Variants in RECK observed in about 807,000 individuals in gnomAD.
The protein encoded by RECK is reversion inducing cysteine rich protein with kazal motifs.
Under a neutral mutation model 115.1 loss-of-function variants are expected in RECK, and 69 were observed. The ratio of observed to expected loss-of-function variants is 0.60; its 90% CI spans 0.49 to 0.73. The LOEUF is 0.73. Ranked by LOEUF, RECK falls within the 30% of genes least tolerant of loss-of-function variation. The pLI is 0.00. For missense variants in RECK, 1,047 were observed against 1,203.7 expected (o/e 0.87, Z 1.93); for synonymous variants, 414 against 419.7 (o/e 0.99, Z 0.17).
chr9:36,117,782 T>C (rs111952135), intron 17 of RECK, among the ~76,000 whole-genome samples: 3,903 of 152,218 alleles, frequency 0.026, 175 homozygotes, highest in African/African-American at 0.088. Context: ...GAGTTCAAGA[T>C]CAGCTTGACC....
chr9:36,087,881 C>T lies in RECK; in HGVS notation c.825C>T (p.Val275=), dbSNP rs779928280. The change falls in exon 9 of 21, where the codon GTC becomes GTT. Residue 275 remains valine (V), a synonymous_variant. Transcript: ENST00000377966. ...GCTCACAATCTGTTCACCCTGGAGT[C>T]ACTGTACACCCTCCTCCCTCTACAG... ...LESSQSVHPG[V]TVHPPPSTGL... is the part of the protein sequence containing the mutation. 21 of 1,613,486 alleles carry T rather than the reference C, an allele frequency of 1.3e-5. No individual in the cohort carries two copies. The highest frequency in any genetic ancestry group is 1.8e-5 in the Non-Finnish European group (21 of 1,179,474).
At chr9:36,101,857 A>G (rs1280684305) in intron 11 of RECK, among the ~76,000 whole-genome samples, 1 of 152,248 alleles carries the variant, frequency 6.6e-6, no homozygotes, top group Admixed American at 6.5e-5. Context: ...CATTGCTGGT[A>G]GTAACAGTAC....
chr9:36,124,422 T>C lies in RECK; in HGVS notation c.*1377T>C, dbSNP rs1824566713. ...TTTAATGCAATATACTGGAAAGCTTTTCTATTTTAATAAAAATAATTTTTA... is the reference window on the plus strand; with the variant it reads ...TTTAATGCAATATACTGGAAAGCTTCTCTATTTTAATAAAAATAATTTTTA... On this transcript the variant is annotated 3_prime_UTR_variant, in exon 21 of 21. Transcript: ENST00000377966. 1 of 152,634 alleles carries C rather than the reference T, an allele frequency of 6.6e-6. No individual in the cohort carries two copies. Among genetic ancestry groups the C allele is most frequent in the African/African-American group, 2.4e-5 (1 of 41,454 alleles). 9.5% of individuals were successfully genotyped at this position (152,634 alleles called of 1,614,324 possible). A position where few individuals can be genotyped will look rare whatever the true frequency, so the allele number is the denominator to read the frequency against.
At chr9:36,114,543 C>T (rs1824184376) in intron 16 of RECK, among the ~76,000 whole-genome samples, 1 of 152,146 alleles carries the variant, frequency 6.6e-6, no homozygotes, top group Non-Finnish European at 1.5e-5. Flanking sequence ...AATGCTTATC[C>T]TTACATAAAA....
intron 8 of RECK, among the ~76,000 whole-genome samples, chr9:36,084,397 CA>C (rs1822859311): frequency 6.6e-6 from 1 of 151,422 alleles, no homozygotes. Context: ...TCTAAAAAAA[CA>C]AAACAAAACA....
At chr9:36,122,730 C>A in intron 20 of RECK, 94 bp from the exon 21 acceptor site, 1 of 940,162 alleles carries the variant, frequency 1.1e-6, no homozygotes, top group Non-Finnish European at 1.7e-6. Flanking sequence ...CCTCTGAGGC[C>A]ACGCTACTTT....
At chr9:36,052,382 C>A in intron 2 of RECK, 59 bp downstream of exon 2, 1 of 1,328,372 alleles carries the variant, frequency 7.5e-7, no homozygotes. Flanking sequence ...CCTGTAATCC[C>A]AGCACTTTGG....
chr9:36,081,842 A>AG (rs1026218390), intron 7 of RECK, among the ~76,000 whole-genome samples: 1 of 151,784 alleles, frequency 6.6e-6, no homozygotes, highest in Non-Finnish European at 1.5e-5. Flanking sequence ...CAAAAAAAAA[A>AG]AAAAAAATTT....
chr9:36,092,258 C>A (rs1588318620), intron 10 of RECK, among the ~76,000 whole-genome samples: 1 of 152,020 alleles, frequency 6.6e-6, no homozygotes, highest in Non-Finnish European at 1.5e-5. Flanking sequence ...TGTGGAGTAG[C>A]TTGTATGAGA....
At chr9:36,063,742 A>C (rs556121859) in intron 4 of RECK, 53 bp from the exon 5 acceptor site, 2 of 1,512,286 alleles carry the variant, frequency 1.3e-6, no homozygotes, top group South Asian at 1.1e-5. Context: ...CTGGCATGCT[A>C]TCTCTTTTTA....
Position 36,118,853 on chromosome 9 carries a change from T to C in RECK, c.2350T>C (p.Tyr784His), listed in dbSNP as rs574398675. 2.5e-6 allele frequency: 4 copies of C among 1,614,142 alleles called. No homozygotes were observed. The highest frequency in any genetic ancestry group is 1.1e-5 in the South Asian group (1 of 91,068). The stretch of plus-strand genomic sequence containing the variant: ...CTCGGATCGCGTGGCAGTCGATTAC[T>C]ATGGGGACTGCCAGGCCGTCGGAGT... ...AYSDRVAVDY[Y>H]GDCQAVGVLS... is the part of the protein sequence containing the mutation. Residue 784 changes from tyrosine to histidine, a missense_variant, in exon 18 of 21, where the codon TAT (tyrosine) becomes CAT (histidine). Transcript: ENST00000377966.
intron 4 of RECK, among the ~76,000 whole-genome samples, 171 bp from the exon 5 acceptor site, chr9:36,063,624 A>AAGG (rs1821870903): frequency 6.6e-6 from 1 of 152,196 alleles, no homozygotes; most frequent in Non-Finnish European, 1.5e-5. Flanking sequence ...GACTGATAGC[A>AAGG]GTGGAAGTAA....
chr9:36,057,243 G>A (rs745651896), intron 2 of RECK, among the ~76,000 whole-genome samples: 2 of 151,754 alleles, frequency 1.3e-5, no homozygotes, highest in Non-Finnish European at 2.9e-5. Context: ...ATCTTCACCA[G>A]TATCACGGGT....
In RECK at chr9:36,117,077, AG is replaced by A. The variant is rs1564137891; in HGVS notation, c.2155del (p.Val719SerfsTer114). The A allele has an allele frequency of 6.2e-7, 1 of 1,614,206 alleles. No homozygotes were observed. ...ECVPRQLACD[Q>X]VQDPVCDTDH... Reference sequence around the variant, plus strand: ...GTACCAAGACAGCTCGCGTGTGACCAGGTCCAAGATCCTGTTTGTGACACAG... The same window carrying A: ...GTACCAAGACAGCTCGCGTGTGACCAGTCCAAGATCCTGTTTGTGACACAG... On this transcript the variant is annotated frameshift_variant, in exon 17 of 21. Transcript: ENST00000377966. LOFTEE classifies it high-confidence loss of function.
At chr9:36,040,393 CAG>C (rs547902968) in intron 1 of RECK, among the ~76,000 whole-genome samples, 37 of 152,118 alleles carry the variant, frequency 2.4e-4, no homozygotes, top group East Asian at 1.4e-3. Context: ...TTATGAAAGA[CAG>C]GGGTGAGGTC....
At chr9:36,064,415 A>G (rs911411675) in intron 5 of RECK, among the ~76,000 whole-genome samples, 9 of 152,134 alleles carry the variant, frequency 5.9e-5, no homozygotes, top group Non-Finnish European at 4.4e-5. Flanking sequence ...CTCACTTTGT[A>G]TGTTTTAGTA....
At position 36,108,019 on chromosome 9, in the gene RECK, G is replaced by C; in HGVS notation, c.1620G>C (p.Gly540=). Reference sequence around the variant, plus strand: ...CTTCTGATTTCATTGTCCGTCAAGGGACACTAATCCAGGTGCCATCATCTG... The same window carrying C: ...CTTCTGATTTCATTGTCCGTCAAGGCACACTAATCCAGGTGCCATCATCTG... ...GEASDFIVRQ[G]TLIQVPSSAG... The change falls in exon 14 of 21, where the codon GGG becomes GGC. Residue 540 remains glycine, a synonymous_variant. Coordinates refer to ENST00000377966, the MANE Select transcript of RECK (RefSeq NM_021111.3). The C allele has an allele frequency of 1.2e-6, 2 of 1,613,660 alleles. No homozygotes were observed. The highest frequency in any genetic ancestry group is 1.7e-6 in the Non-Finnish European group (2 of 1,179,866).
chr9:36,055,643 A>G (rs1821493514), intron 2 of RECK, among the ~76,000 whole-genome samples: 1 of 152,196 alleles, frequency 6.6e-6, no homozygotes. Context: ...ACTCAAACTC[A>G]AATGTGTCTG....
At chr9:36,100,208 G>A (rs1823508089) in intron 10 of RECK, 123 bp from the exon 11 acceptor site, 1 of 678,788 alleles carries the variant, frequency 1.5e-6, no homozygotes, top group South Asian at 1.9e-5. Context: ...CCTTTCATGG[G>A]TTGTATGTGC....
Sources: allele counts gnomAD v4.1 joint callset (sites outside exome capture counted in the v4.1 genomes callset), GRCh38; gene constraint gnomAD v4.1.1; transcripts MANE v1.5; gene names NCBI Gene and HGNC (gene_info 2026-07-23, HGNC 2026-07-21).